LRRC8C: variants seen among roughly 807,000 people sequenced by gnomAD.
The protein encoded by LRRC8C is volume-regulated anion channel subunit LRRC8C.
Under a neutral mutation model 55.3 loss-of-function variants are expected in LRRC8C, and 20 were observed. The ratio of observed to expected loss-of-function variants is 0.36; its 90% CI spans 0.25 to 0.53. The LOEUF is 0.53. Among genes scored for constraint, LRRC8C ranks in the 20% least tolerant of loss-of-function variants. The pLI, the probability that LRRC8C is intolerant of heterozygous loss-of-function variation, is 0.92. For missense variants in LRRC8C, 659 were observed against 951.4 expected, an observed-to-expected ratio of 0.69 and a Z score of 4.04; for synonymous variants, 376 against 360.7, an observed-to-expected ratio of 1.04 and a Z score of -0.48.
At chr1:89,697,666 T>C (rs559643108) in intron 2 of LRRC8C, among the ~76,000 whole-genome samples, 26 of 152,250 alleles carry the variant, frequency 1.7e-4, no homozygotes, top group Non-Finnish European at 3.1e-4. Context: ...GCTTTCCACA[T>C]AGATCTTAAA....
chr1:89,712,870 G>A lies in LRRC8C; in HGVS notation c.300G>A (p.Lys100=). Residue 100 remains lysine (K), a synonymous_variant, in exon 3 of 3, where the codon AAG becomes AAA. Transcript: ENST00000370454. ...TCACTGTGGAAATGAAAGGCCTGAAGACAGATTTGGACCTTCAGCAGTACA... is the reference window on the plus strand; with the variant it reads ...TCACTGTGGAAATGAAAGGCCTGAAAACAGATTTGGACCTTCAGCAGTACA... The part of the protein sequence containing the change: ...NPITVEMKGL[K]TDLDLQQYSF... 2 of 1,614,148 alleles carry A rather than the reference G, an allele frequency of 1.2e-6. No homozygotes were observed. Among genetic ancestry groups the A allele is most frequent in the Non-Finnish European group, 1.7e-6 (2 of 1,180,030 alleles).
At chr1:89,646,138 G>A (rs1374848405) in intron 1 of LRRC8C, among the ~76,000 whole-genome samples, 1 of 151,948 alleles carries the variant, frequency 6.6e-6, no homozygotes, top group African/African-American at 2.4e-5. Context: ...TCAGATGAGT[G>A]ACAGAAAAAT....
rs756322023 is a variant in LRRC8C, at chr1:89,712,709, G to A, written c.139G>A (p.Val47Ile). ...MIGVFGCTLQ[V>I]MQDKIICLPK... The stretch of plus-strand genomic sequence containing the variant: ...TGAAAATATTATTTCCATGTTTCAG[G>A]TCATGCAAGACAAGATAATCTGCCT... Residue 47 changes from valine (V) to isoleucine (I), a missense_variant and splice_region_variant, in exon 3 of 3, where the codon GTC (valine) becomes ATC (isoleucine). Around this residue, in one of 5 missense-constraint regions of LRRC8C, gnomAD observed 82 missense variants for 71.4 expected, o/e 1.15. Transcript: ENST00000370454. 1.9e-6 allele frequency: 3 copies of A among 1,606,896 alleles called. No homozygotes were observed. The South Asian group carries it at 3.3e-5, about 18-fold the overall frequency.
chr1:89,692,836 C>A (rs1475569872), intron 2 of LRRC8C, among the ~76,000 whole-genome samples: 2 of 152,134 alleles, frequency 1.3e-5, no homozygotes. Context: ...ACAAAATAGA[C>A]CATATCCTGA....
chr1:89,639,638 T>C (rs942255191), intron 1 of LRRC8C, among the ~76,000 whole-genome samples: 4 of 152,382 alleles, frequency 2.6e-5, no homozygotes, highest in African/African-American at 9.6e-5. Context: ...TGTTTGATTT[T>C]TGGAGCTACA....
intron 1 of LRRC8C, among the ~76,000 whole-genome samples, chr1:89,634,344 G>C (rs1025984267): frequency 1.3e-5 from 2 of 151,902 alleles, no homozygotes; most frequent in Non-Finnish European, 2.9e-5. Context: ...TGTTTGGCAC[G>C]GGGAGGCTTG....
rs116421997 is a variant in LRRC8C at position 89,670,297 on chromosome 1, G to A, written c.-4-16173G>A. Among the ~76,000 whole-genome samples, 8 of 152,220 alleles carry A rather than the reference G, an allele frequency of 5.3e-5. No homozygotes were observed. The East Asian group carries it at 7.7e-4, about 15-fold the overall frequency. ...TAGTGCTGAAGAAGGTTTTCTTAGC[G>A]TTAAACCTCGCATTTTCATTTCCGC... On this transcript the variant is annotated intron_variant, in intron 1 of 2. Transcript: ENST00000370454.
At chr1:89,669,074 A>G (rs548867140) in intron 1 of LRRC8C, among the ~76,000 whole-genome samples, 11 of 152,208 alleles carry the variant, frequency 7.2e-5, no homozygotes, top group Non-Finnish European at 1.3e-4. Context: ...GAAAAAGAAA[A>G]TGTAGTATAT....
chr1:89,690,269 T>C (rs1657992904), intron 2 of LRRC8C, among the ~76,000 whole-genome samples: 2 of 152,150 alleles, frequency 1.3e-5, no homozygotes, highest in South Asian at 4.1e-4. Context: ...TATGGCTTGT[T>C]GTTTCTCTGT....
At chr1:89,659,578 G>A (rs140549827) in intron 1 of LRRC8C, among the ~76,000 whole-genome samples, 1 of 152,238 alleles carries the variant, frequency 6.6e-6, no homozygotes, top group African/African-American at 2.4e-5. Flanking sequence ...TTATGATGGA[G>A]GTGGGGTTTT....
chr1:89,642,506 G>A (rs1384153811), intron 1 of LRRC8C, among the ~76,000 whole-genome samples: 1 of 152,126 alleles, frequency 6.6e-6, no homozygotes, highest in East Asian at 1.9e-4. Flanking sequence ...CCTGAGGTCA[G>A]GAGTTCGAGA....
intron 1 of LRRC8C, among the ~76,000 whole-genome samples, chr1:89,643,522 A>C (rs1656527470): frequency 6.6e-6 from 1 of 152,212 alleles, no homozygotes. Context: ...TTTTATAGAG[A>C]ATTGTAGATT....
chr1:89,682,611 G>A (rs1261342398), intron 1 of LRRC8C, among the ~76,000 whole-genome samples: 1 of 152,156 alleles, frequency 6.6e-6, no homozygotes, highest in Non-Finnish European at 1.5e-5. Flanking sequence ...TGGTTAGTAA[G>A]GCACCTTCAC....
intron 2 of LRRC8C, among the ~76,000 whole-genome samples, chr1:89,703,385 C>T (rs1658384817): frequency 6.6e-6 from 1 of 152,076 alleles, no homozygotes; most frequent in African/African-American, 2.4e-5. Context: ...GTCAGTCTTA[C>T]AGGATATATG....
chr1:89,661,694 G>A (rs760938454), intron 1 of LRRC8C, among the ~76,000 whole-genome samples: 9 of 152,170 alleles, frequency 5.9e-5, no homozygotes, highest in Non-Finnish European at 8.8e-5. Context: ...GCATTCAAGT[G>A]GGAGGAGAGA....
chr1:89,670,430 T>C (rs1657384491), intron 1 of LRRC8C, among the ~76,000 whole-genome samples: 2 of 152,106 alleles, frequency 1.3e-5, no homozygotes, highest in Non-Finnish European at 2.9e-5. Flanking sequence ...GTTCTTGCCA[T>C]TTTTTTTCTA....
chr1:89,713,086 A>T lies in LRRC8C; in HGVS notation c.516A>T (p.Thr172=). 1 of 1,613,610 alleles carries T rather than the reference A, an allele frequency of 6.2e-7. No individual in the cohort carries two copies. The highest frequency in any genetic ancestry group is 8.5e-7 in the Non-Finnish European group (1 of 1,180,028). ...AGTGTTTTGACTCTCCTTGGACCACACGGGCTTTATCTGAAGTGTCTGGGG... is the reference window on the plus strand; with the variant it reads ...AGTGTTTTGACTCTCCTTGGACCACTCGGGCTTTATCTGAAGTGTCTGGGG... ...LGKCFDSPWT[T]RALSEVSGED... The change falls in exon 3 of 3, where the codon ACA becomes ACT. Residue 172 remains threonine (T), a synonymous_variant. Transcript: ENST00000370454. This position sits in a 1 kb window ranked among gnomAD's most constrained non-coding sequence, Gnocchi z 5.2.
chr1:89,628,742 T>C (rs1180326097), upstream of LRRC8C, among the ~76,000 whole-genome samples: 1 of 152,236 alleles, frequency 6.6e-6, no homozygotes, highest in Non-Finnish European at 1.5e-5. Flanking sequence ...AATGAGGGTC[T>C]TAATTTCTTT....
At chr1:89,624,075 A>C in the LRRC8C span, among the ~76,000 whole-genome samples, 1 of 152,228 alleles carries the variant, frequency 6.6e-6, no homozygotes, top group Admixed American at 6.5e-5. Flanking sequence ...CCACAGGGAG[A>C]TGCAAAGAGA....
Sources: allele counts gnomAD v4.1 joint callset (sites outside exome capture counted in the v4.1 genomes callset), GRCh38; gene constraint gnomAD v4.1.1; regional missense constraint gnomAD v4.1.1; non-coding constraint Gnocchi (gnomAD v3.1); transcripts MANE v1.5; gene names NCBI Gene and HGNC (gene_info 2026-07-23, HGNC 2026-07-21).